TEX36: variants seen among roughly 807,000 people sequenced by gnomAD.
The protein encoded by TEX36 is testis-expressed protein 36.
Under a neutral mutation model 13.6 loss-of-function variants are expected in TEX36, and 12 were observed. The observed-to-expected ratio is 0.88, with a 90% CI of 0.56 to 1.43. The LOEUF (loss-of-function observed/expected upper bound fraction) is 1.43. TEX36 is among the 40% of genes most tolerant of loss of function. The pLI, the probability that TEX36 is intolerant of heterozygous loss-of-function variation, is 0.00. For synonymous variants in TEX36, 93 were observed against 83.0 expected, an observed-to-expected ratio of 1.12 and a Z score of -0.65; for missense variants, 224 against 228.3, an observed-to-expected ratio of 0.98 and a Z score of 0.12.
chr10:125,577,081 G>T (rs1011935341), intron 3 of TEX36, among the ~76,000 whole-genome samples: 4 of 152,162 alleles, frequency 2.6e-5, no homozygotes, highest in African/African-American at 9.7e-5. Context: ...GGCTCAGTTG[G>T]GTCTATCTCT....
chr10:125,603,246 C>T (rs1846171841), intron 3 of TEX36, among the ~76,000 whole-genome samples: 1 of 152,218 alleles, frequency 6.6e-6, no homozygotes, highest in African/African-American at 2.4e-5. Flanking sequence ...GGATGGTTCC[C>T]TTACCAGATG....
At chr10:125,609,336 T>G (rs955178196) in intron 3 of TEX36, among the ~76,000 whole-genome samples, 1 of 152,164 alleles carries the variant, frequency 6.6e-6, no homozygotes, top group African/African-American at 2.4e-5. Flanking sequence ...CTGAGTTCAG[T>G]GTCTTCAGAT....
downstream of TEX36, among the ~76,000 whole-genome samples, chr10:125,617,192 G>C (rs1306757928): frequency 2.4e-4 from 37 of 151,706 alleles, no homozygotes; most frequent in African/African-American, 7.8e-4. Flanking sequence ...CTGCACGTGA[G>C]ATGGGTTTCC....
intron 3 of TEX36, among the ~76,000 whole-genome samples, chr10:125,589,295 A>G (rs1386429323): frequency 1.3e-5 from 2 of 152,226 alleles, no homozygotes; most frequent in Non-Finnish European, 2.9e-5. Context: ...TAGCTAAAAC[A>G]TCTGCAAATA....
chr10:125,594,615 T>C (rs1312309762), intron 3 of TEX36, among the ~76,000 whole-genome samples: 1 of 152,214 alleles, frequency 6.6e-6, no homozygotes, highest in Non-Finnish European at 1.5e-5. Flanking sequence ...CACACGATTC[T>C]ACATAAATAT....
intron 1 of TEX36, among the ~76,000 whole-genome samples, chr10:125,668,479 T>A (rs1276732092): frequency 6.6e-6 from 1 of 152,108 alleles, no homozygotes; most frequent in Non-Finnish European, 1.5e-5. Context: ...GTCTCCAACT[T>A]TTTTATTTAA....
At chr10:125,583,838 C>G (rs1845912263) in intron 3 of TEX36, among the ~76,000 whole-genome samples, 1 of 152,148 alleles carries the variant, frequency 6.6e-6, no homozygotes, top group South Asian at 2.1e-4. Flanking sequence ...AGATCATTTG[C>G]AAAGAGTCTG....
intron 3 of TEX36, among the ~76,000 whole-genome samples, chr10:125,606,883 G>A (rs1011299104): frequency 3.9e-5 from 6 of 152,090 alleles, no homozygotes; most frequent in East Asian, 1.9e-4. Flanking sequence ...TGTGCTATAC[G>A]TATTCTCATT....
chr10:125,603,528 G>T (rs928344431), intron 3 of TEX36, among the ~76,000 whole-genome samples: 11 of 152,130 alleles, frequency 7.2e-5, no homozygotes, highest in African/African-American at 2.7e-4. Context: ...ATACTGCACA[G>T]TGGTCACAGA....
chr10:125,673,066 T>C (rs1217869055), intron 1 of TEX36, among the ~76,000 whole-genome samples: 1 of 152,256 alleles, frequency 6.6e-6, no homozygotes, highest in African/African-American at 2.4e-5. Flanking sequence ...CCAGTGGGTC[T>C]TGACTCTTTA....
chr10:125,603,756 G>C (rs1485241251), intron 3 of TEX36, among the ~76,000 whole-genome samples: 1 of 152,022 alleles, frequency 6.6e-6, no homozygotes, highest in African/African-American at 2.4e-5. Flanking sequence ...TTGAAAATCA[G>C]AGCCACAACC....
At chr10:125,641,918 ACTATT>A (rs1165001224) in intron 3 of TEX36, among the ~76,000 whole-genome samples, 1 of 152,188 alleles carries the variant, frequency 6.6e-6, no homozygotes, top group African/African-American at 2.4e-5. Context: ...TTTGTAGAAA[ACTATT>A]AAGAAAGACT....
chr10:125,663,415 T>C (rs74977828), intron 1 of TEX36, among the ~76,000 whole-genome samples: 5,313 of 152,314 alleles, frequency 0.035, 171 homozygotes, highest in South Asian at 0.14. Context: ...AGATACTCAG[T>C]AGTAGCATTG....
downstream of TEX36, chr10:125,621,597 T>C (rs956960813): frequency 4.4e-6 from 2 of 456,002 alleles, no homozygotes; most frequent in Admixed American, 4.7e-5. Context: ...TTAGGGAGAA[T>C]TGACTCACAT....
intron 3 of TEX36, among the ~76,000 whole-genome samples, chr10:125,606,051 A>G (rs977521575): frequency 4.6e-5 from 7 of 152,174 alleles, no homozygotes; most frequent in Admixed American, 1.3e-4. Context: ...TACTTTTTTT[A>G]TGCAGGAGTT....
intron 3 of TEX36, among the ~76,000 whole-genome samples, chr10:125,585,670 G>A (rs1016165701): frequency 6.6e-6 from 1 of 152,112 alleles, no homozygotes; most frequent in African/African-American, 2.4e-5. Context: ...TAACAAACAG[G>A]GCTTTCTGGG....
At chr10:125,626,028 C>T (rs1015027181) in intron 3 of TEX36, among the ~76,000 whole-genome samples, 21 of 152,188 alleles carry the variant, frequency 1.4e-4, no homozygotes, top group African/African-American at 4.8e-4. Context: ...CTGCAGAGAA[C>T]GACCTCACCC....
At chr10:125,634,045 C>T (rs1250770889) in intron 3 of TEX36, among the ~76,000 whole-genome samples, 1 of 151,980 alleles carries the variant, frequency 6.6e-6, no homozygotes, top group African/African-American at 2.4e-5. Context: ...TTTTTTGGAG[C>T]AGGGAGGTTG....
intron 3 of TEX36, among the ~76,000 whole-genome samples, chr10:125,637,774 C>T (rs536869897): frequency 1.3e-5 from 2 of 152,198 alleles, no homozygotes; most frequent in East Asian, 1.9e-4. Flanking sequence ...AGAACCTTGC[C>T]CCCATCCATC....
Sources: allele counts gnomAD v4.1 joint callset (sites outside exome capture counted in the v4.1 genomes callset), GRCh38; gene constraint gnomAD v4.1.1; transcripts MANE v1.5; gene names NCBI Gene and HGNC (gene_info 2026-07-23, HGNC 2026-07-21).